The following CHN1 variants were observed in gnomAD, a reference collection of about 807,000 sequenced individuals.
The protein encoded by CHN1 is chimerin 1, also known as N-chimaerin.
CHN1 carries 37 observed loss-of-function variants against 59.5 expected under a neutral mutation model. The ratio of observed to expected loss-of-function variants is 0.62; its 90% CI spans 0.48 to 0.82. The LOEUF is 0.82. Among genes scored for constraint, CHN1 ranks in the 40% least tolerant of loss-of-function variants. The probability of loss-of-function intolerance (pLI) is 0.00; values close to 1 mark genes in which losing one functional copy is unlikely to be tolerated. For missense variants in CHN1, 469 were observed against 571.0 expected (o/e 0.82, Z 1.82); for synonymous variants, 206 against 200.4 (o/e 1.03, Z -0.24).
At chr2:174,900,278 G>A (rs978466866) in intron 5 of CHN1, among the ~76,000 whole-genome samples, 3 of 152,044 alleles carry the variant, frequency 2.0e-5, no homozygotes, top group African/African-American at 4.8e-5. Context: ...ATTGCTTCTC[G>A]GGCCAGGAGT....
At chr2:174,967,966 A>C (rs1690645523) in intron 1 of CHN1, among the ~76,000 whole-genome samples, 1 of 152,188 alleles carries the variant, frequency 6.6e-6, no homozygotes, top group South Asian at 2.1e-4. Context: ...TGTTTATTAG[A>C]ATGTGCATTA....
chr2:174,880,409 T>G (rs937773333), intron 5 of CHN1, among the ~76,000 whole-genome samples: 2 of 152,174 alleles, frequency 1.3e-5, no homozygotes, highest in Non-Finnish European at 2.9e-5. Flanking sequence ...GCACAGACTG[T>G]CAAAGATTTC....
intron 1 of CHN1, among the ~76,000 whole-genome samples, chr2:174,961,339 C>T (rs1690399974): frequency 6.6e-6 from 1 of 152,176 alleles, no homozygotes; most frequent in Non-Finnish European, 1.5e-5. Context: ...GTAATCCCAG[C>T]ACTTTGGGAG....
intron 6 of CHN1, among the ~76,000 whole-genome samples, chr2:174,869,923 G>A (rs1255078633): frequency 6.6e-6 from 1 of 152,144 alleles, no homozygotes; most frequent in African/African-American, 2.4e-5. Flanking sequence ...ACAATCTGCA[G>A]CTTGCATAAA....
intron 1 of CHN1, among the ~76,000 whole-genome samples, chr2:174,975,065 C>T (rs1468123129): frequency 2.1e-4 from 32 of 152,088 alleles, no homozygotes. Context: ...ATAAGAATTT[C>T]TAAGAAAACC....
intron 5 of CHN1, among the ~76,000 whole-genome samples, chr2:174,903,255 C>T (rs1412798828): frequency 6.6e-6 from 1 of 152,140 alleles, no homozygotes; most frequent in Non-Finnish European, 1.5e-5. Flanking sequence ...CTTAAACTAC[C>T]AATTAGCTAA....
At chr2:174,926,794 G>A (rs1689174229) in intron 3 of CHN1, among the ~76,000 whole-genome samples, 1 of 149,140 alleles carries the variant, frequency 6.7e-6, no homozygotes. Flanking sequence ...GTCTTGCTCT[G>A]TTGCCCAGGG....
At chr2:174,846,168 C>A in intron 7 of CHN1, 1 of 1,089,396 alleles carries the variant, frequency 9.2e-7, no homozygotes, top group Non-Finnish European at 1.2e-6. Context: ...TTGCAAAGGA[C>A]AGAAATTCAA....
At chr2:174,995,290 A>C (rs1180734559) in intron 1 of CHN1, among the ~76,000 whole-genome samples, 1 of 152,208 alleles carries the variant, frequency 6.6e-6, no homozygotes, top group African/African-American at 2.4e-5. Flanking sequence ...GAAAAAATTA[A>C]ATGAACAACT....
intron 5 of CHN1, among the ~76,000 whole-genome samples, chr2:174,886,569 CTGAT>C (rs1348820870): frequency 3.3e-5 from 5 of 152,232 alleles, no homozygotes; most frequent in African/African-American, 1.2e-4. Flanking sequence ...TAAATAGACT[CTGAT>C]TGGGATTATT....
chr2:174,895,716 G>A (rs982949296), intron 5 of CHN1, among the ~76,000 whole-genome samples: 7 of 152,060 alleles, frequency 4.6e-5, no homozygotes, highest in Non-Finnish European at 8.8e-5. Context: ...AAAACTGAAT[G>A]GGCCATCCGA....
In CHN1 at chr2:174,812,495, TAAAG is replaced by T. The variant is rs57759612; in HGVS notation, c.713-17_713-14del. The T allele has an allele frequency of 5.5e-4, 882 of 1,613,170 alleles. 7 individuals carry two copies. In the African/African-American group the frequency reaches 9.2e-3, roughly 17 times the overall value. ...TTCAAACCACAATCTAAGAAAAGAA[TAAAG>T]AAAGGAAACATTCAATATTATTTTC... On this transcript the variant is annotated splice_polypyrimidine_tract_variant and intron_variant, in intron 8 of 12. Transcript: ENST00000409900.
chr2:174,872,996 C>A (rs1687458014), intron 6 of CHN1, among the ~76,000 whole-genome samples: 1 of 150,750 alleles, frequency 6.6e-6, no homozygotes, highest in Non-Finnish European at 1.5e-5. Flanking sequence ...AGGACTTGTT[C>A]AAGACCACAC....
chr2:174,976,432 T>A (rs1024568544), intron 1 of CHN1, among the ~76,000 whole-genome samples: 1 of 151,544 alleles, frequency 6.6e-6, no homozygotes, highest in Admixed American at 6.6e-5. Flanking sequence ...ACAGACGGGG[T>A]TTCACCATGT....
chr2:174,915,846 T>C (rs1348737797), intron 4 of CHN1, among the ~76,000 whole-genome samples: 3 of 152,200 alleles, frequency 2.0e-5, no homozygotes, highest in Non-Finnish European at 4.4e-5. Flanking sequence ...AAAATGTCAG[T>C]TGTGACACAT....
chr2:174,961,505 C>A (rs1418641404), intron 1 of CHN1, among the ~76,000 whole-genome samples: 1 of 151,754 alleles, frequency 6.6e-6, no homozygotes, highest in East Asian at 1.9e-4. Context: ...GCAGGAGAAT[C>A]GCTTGAACCC....
intron 5 of CHN1, among the ~76,000 whole-genome samples, chr2:174,903,425 C>G (rs1688450486): frequency 6.6e-6 from 1 of 152,232 alleles, no homozygotes; most frequent in East Asian, 1.9e-4. Context: ...TAAAATAAAA[C>G]ACAATATGCA....
At chr2:174,812,269 T>A (rs372641832) in intron 9 of CHN1, 40 bp downstream of exon 9, 22 of 1,561,714 alleles carry the variant, frequency 1.4e-5, no homozygotes, top group Non-Finnish European at 1.9e-5. Context: ...GTACTGGTAG[T>A]GAACGGAGAC....
At chr2:174,973,088 A>G (rs900106481) in intron 1 of CHN1, among the ~76,000 whole-genome samples, 7 of 152,186 alleles carry the variant, frequency 4.6e-5, no homozygotes, top group African/African-American at 1.7e-4. Context: ...TCAACCACAA[A>G]TTCTTCCACA....
Sources: gnomAD v4.1 joint callset for allele counts (sites outside exome capture counted in the v4.1 genomes callset) on GRCh38, gnomAD v4.1.1 for gene constraint, MANE v1.5 for transcripts, NCBI Gene and HGNC (gene_info 2026-07-23, HGNC 2026-07-21) for gene names.